Variants in PEPD observed in about 807,000 individuals in gnomAD.
PEPD encodes the protein peptidase D.
Under a neutral mutation model 60.7 loss-of-function variants are expected in PEPD, and 53 were observed. The observed-to-expected ratio is 0.87, with a 90% CI of 0.70 to 1.10. The LOEUF (loss-of-function observed/expected upper bound fraction) is 1.10. Ranked by LOEUF, PEPD falls within the 50% of genes least tolerant of loss-of-function variation. The pLI is 0.00. For synonymous variants in PEPD, 267 were observed against 284.1 expected (o/e 0.94, Z 0.60); for missense variants, 711 against 711.9 (o/e 1.00, Z 0.01).
At chr19:33,495,336 T>C (rs1970582682) in intron 4 of PEPD, among the ~76,000 whole-genome samples, 1 of 141,140 alleles carries the variant, frequency 7.1e-6, no homozygotes, top group Admixed American at 7.2e-5. Context: ...GAAACCCCCA[T>C]CTCTACTAAA....
At chr19:33,456,917 A>C (rs1345335922) in intron 9 of PEPD, among the ~76,000 whole-genome samples, 3 of 150,768 alleles carry the variant, frequency 2.0e-5, no homozygotes, top group African/African-American at 7.3e-5. Context: ...GAAGACGGGG[A>C]CCTCCTAGTG....
rs1471053987 is a variant in PEPD at position 33,401,778 on chromosome 19, C to G, written c.910G>C (p.Ala304Pro). Residue 304 changes from alanine (A) to proline (P), a missense_variant, in exon 12 of 15, where the codon GCC (alanine) becomes CCC (proline). By Grantham distance (27) the Ala-to-Pro change is conservative (BLOSUM62 -1). Coordinates refer to ENST00000244137, the MANE Select transcript of PEPD (RefSeq NM_000285.4). ...ANGKFTADQK[A>P]VYEAVLRSSR... The stretch of plus-strand genomic sequence containing the variant: ...CTCCGCAGCACTGCCTCATAGACGG[C>G]CTTCTGGTCTGCAGTGAACTTGCCG... 1 of 1,612,136 alleles carries G rather than the reference C, an allele frequency of 6.2e-7. No homozygotes were observed. Among genetic ancestry groups the G allele is most frequent in the Non-Finnish European group, 8.5e-7 (1 of 1,179,464 alleles).
chr19:33,388,019 T>C lies in PEPD; in HGVS notation c.1215A>G (p.Pro405=). Residue 405 remains proline, a synonymous_variant, in exon 14 of 15, where the codon CCA becomes CCG. Coordinates refer to ENST00000244137, the MANE Select transcript of PEPD (RefSeq NM_000285.4). ...RSLRTARHLQ[P]GMVLTVEPGI... ...CCGGCTCCACGGTGAGCACCATGCCTGGCTGCAGGTGCCGTGCAGTGCGCA... is the reference window on the plus strand; with the variant it reads ...CCGGCTCCACGGTGAGCACCATGCCCGGCTGCAGGTGCCGTGCAGTGCGCA... 1 of 1,568,334 alleles carries C rather than the reference T, an allele frequency of 6.4e-7. No individual in the cohort carries two copies. Among genetic ancestry groups the C allele is most frequent in the South Asian group, 1.2e-5 (1 of 85,452 alleles).
At chr19:33,416,566 C>G (rs1968895707) in intron 9 of PEPD, among the ~76,000 whole-genome samples, 1 of 152,176 alleles carries the variant, frequency 6.6e-6, no homozygotes, top group Non-Finnish European at 1.5e-5. Context: ...GTGGTACACA[C>G]ACCCCAGCCA....
chr19:33,467,005 A>T (rs891376788), intron 7 of PEPD, among the ~76,000 whole-genome samples: 5 of 151,846 alleles, frequency 3.3e-5, no homozygotes, highest in Admixed American at 2.0e-4. Context: ...AAAATACAAA[A>T]AATTAGCTGG....
At chr19:33,424,773 C>T (rs1484323096) in intron 9 of PEPD, among the ~76,000 whole-genome samples, 1 of 152,054 alleles carries the variant, frequency 6.6e-6, no homozygotes, top group Non-Finnish European at 1.5e-5. Flanking sequence ...CTTGGGAGGC[C>T]TCACAATCAT....
chr19:33,461,851 T>C (rs1969931789), intron 9 of PEPD, among the ~76,000 whole-genome samples: 1 of 152,226 alleles, frequency 6.6e-6, no homozygotes. Flanking sequence ...CTGACGGAGC[T>C]GGGCTTCTGA....
intron 3 of PEPD, among the ~76,000 whole-genome samples, chr19:33,510,624 G>A (rs1372733937): frequency 6.6e-6 from 1 of 152,234 alleles, no homozygotes; most frequent in Non-Finnish European, 1.5e-5. Context: ...ATGTTGCCAG[G>A]AACATGTGAG....
intron 9 of PEPD, among the ~76,000 whole-genome samples, chr19:33,456,323 G>C (rs1210559467): frequency 6.6e-6 from 1 of 152,144 alleles, no homozygotes; most frequent in African/African-American, 2.4e-5. Context: ...TCTGGACTAA[G>C]GAATTCTCCA....
In PEPD at chr19:33,387,800, T is replaced by C. The variant is rs866725450; in HGVS notation, c.1344+90A>G. ...AGCCCACCTCAAGGGAAGATGTCACTAGGGCCCCTGTCTTGGGACTAAGGA... is the reference window on the plus strand; with the variant it reads ...AGCCCACCTCAAGGGAAGATGTCACCAGGGCCCCTGTCTTGGGACTAAGGA... On this transcript the variant is annotated intron_variant, in intron 14 of 14. Transcript: ENST00000244137. 2.2e-5 allele frequency: 25 copies of C among 1,118,736 alleles called. No homozygotes were observed. In the Middle Eastern group the frequency reaches 8.5e-4, roughly 38 times the overall value. 69.3% of individuals were successfully genotyped at this position (1,118,736 alleles called of 1,614,324 possible).
At chr19:33,502,167 G>A (rs1970724967) in intron 3 of PEPD, among the ~76,000 whole-genome samples, 1 of 152,178 alleles carries the variant, frequency 6.6e-6, no homozygotes, top group African/African-American at 2.4e-5. Flanking sequence ...GAGACACTGA[G>A]AGCCAAGTCC....
At chr19:33,453,995 G>C (rs770382598) in intron 9 of PEPD, among the ~76,000 whole-genome samples, 6 of 152,154 alleles carry the variant, frequency 3.9e-5, no homozygotes, top group Non-Finnish European at 7.3e-5. Context: ...CAGGACGTCT[G>C]GTCATAAAAT....
intron 9 of PEPD, among the ~76,000 whole-genome samples, chr19:33,414,505 T>G (rs1186253633): frequency 6.6e-6 from 1 of 152,006 alleles, no homozygotes; most frequent in East Asian, 1.9e-4. Context: ...CCTCACCCCC[T>G]CCCTGAGGCC....
chr19:33,496,890 G>A (rs914013150), intron 4 of PEPD, among the ~76,000 whole-genome samples: 18 of 152,366 alleles, frequency 1.2e-4, no homozygotes, highest in Admixed American at 6.5e-4. Flanking sequence ...GACCAGGCCC[G>A]AGGGCCGCTT....
At chr19:33,443,507 G>T (rs930242359) in intron 9 of PEPD, among the ~76,000 whole-genome samples, 1 of 152,010 alleles carries the variant, frequency 6.6e-6, no homozygotes, top group African/African-American at 2.4e-5. Flanking sequence ...CTACATAATT[G>T]CTGTTTATAG....
intron 9 of PEPD, among the ~76,000 whole-genome samples, chr19:33,434,454 G>C (rs564637307): frequency 4.6e-5 from 7 of 152,214 alleles, no homozygotes; most frequent in African/African-American, 1.7e-4. Context: ...AAACTTTGAA[G>C]CTCATCACTT....
chr19:33,498,256 C>G (rs1191233870), intron 4 of PEPD, among the ~76,000 whole-genome samples: 5 of 152,158 alleles, frequency 3.3e-5, no homozygotes, highest in African/African-American at 1.2e-4. Flanking sequence ...GTGGGGTGCT[C>G]CCGAACCCTA....
intron 13 of PEPD, 159 bp from the exon 14 acceptor site, chr19:33,388,240 G>A (rs1473280688): frequency 1.4e-6 from 1 of 716,444 alleles, no homozygotes; most frequent in Non-Finnish European, 2.5e-6. Flanking sequence ...TGGGCCATGG[G>A]CACCCTGATA....
At chr19:33,514,394 G>A (rs1464432789) in intron 1 of PEPD, among the ~76,000 whole-genome samples, 1 of 152,030 alleles carries the variant, frequency 6.6e-6, no homozygotes, top group African/African-American at 2.4e-5. Flanking sequence ...CCTCCTGCCA[G>A]GGTCACATGA....
Sources: gnomAD v4.1 joint callset for allele counts (sites outside exome capture counted in the v4.1 genomes callset) on GRCh38, gnomAD v4.1.1 for gene constraint, MANE v1.5 for transcripts, NCBI Gene and HGNC (gene_info 2026-07-23, HGNC 2026-07-21) for gene names.